The following LRP5 variants were observed in gnomAD, a reference collection of about 807,000 sequenced individuals.
LRP5 encodes LDL receptor related protein 5.
LRP5 carries 62 observed loss-of-function variants against 154.1 expected under a neutral mutation model. The observed-to-expected ratio is 0.40, with a 90% CI of 0.33 to 0.50. LRP5 has a LOEUF of 0.50. Among genes scored for constraint, LRP5 ranks in the 20% least tolerant of loss-of-function variants. The pLI is 0.55. For missense variants in LRP5, 1,915 were observed against 2,336.7 expected, an observed-to-expected ratio of 0.82 and a Z score of 3.72; for synonymous variants, 966 against 1,011.5, an observed-to-expected ratio of 0.96 and a Z score of 0.85.
intron 7 of LRP5, among the ~76,000 whole-genome samples, chr11:68,397,972 T>TGTGTGTGTGTGTGTGTGTG (rs2098650381): frequency 2.7e-4 from 38 of 142,192 alleles, no homozygotes; most frequent in Admixed American, 1.7e-3. Context: ...CTGTGTGTGT[T>TGTGTGTGTGTGTGTGTGTG]TGTGTGTGTG....
intron 8 of LRP5, chr11:68,404,412 C>T (rs547725055): frequency 8.3e-5 from 42 of 508,572 alleles, no homozygotes; most frequent in South Asian, 6.3e-4. Flanking sequence ...TGCCTGCAGT[C>T]CTGGGTGAGA....
chr11:68,446,380 G>A (rs2098681406), intron 21 of LRP5, 56 bp from the exon 22 acceptor site: 1 of 1,208,444 alleles, frequency 8.3e-7, no homozygotes, highest in Non-Finnish European at 1.2e-6. Context: ...GTGGGAGGAA[G>A]GAAGGAATGC....
intron 16 of LRP5, among the ~76,000 whole-genome samples, chr11:68,426,723 C>T (rs1358515345): frequency 6.6e-6 from 1 of 152,192 alleles, no homozygotes; most frequent in Non-Finnish European, 1.5e-5. Context: ...GGCCTGACAA[C>T]ACCCACGGAT....
At chr11:68,422,650 GGAGACGGAGAGTCCTTGAGAGTCACTGA>G (rs1290934148) in intron 13 of LRP5, among the ~76,000 whole-genome samples, 1 of 152,144 alleles carries the variant, frequency 6.6e-6, no homozygotes, top group African/African-American at 2.4e-5. Context: ...CAGAGAGTGT[GGAGACGGAGAGTCCTTGAGAGTCACTGA>G]GAGACGTGGC....
chr11:68,394,593 G>A (rs1223510108), intron 7 of LRP5, among the ~76,000 whole-genome samples: 7 of 152,024 alleles, frequency 4.6e-5, no homozygotes, highest in African/African-American at 1.2e-4. Context: ...AGCCTCCCGC[G>A]TAGCTGGGAC....
rs566136560 is a variant in LRP5 at position 68,389,284 on chromosome 11, A to G, written c.1413-597A>G. Among the ~76,000 whole-genome samples, 3 of 152,276 alleles carry G rather than the reference A, an allele frequency of 2.0e-5. No individual in the cohort carries two copies. In the East Asian group the frequency reaches 5.8e-4, roughly 29 times the overall value. On this transcript the variant is annotated intron_variant, in intron 6 of 22. Transcript: ENST00000294304. Reference sequence around the variant, plus strand: ...TTTACCAACACTGACATTTACCAACACTGACATTTACCGACATTGACATTT... The same window carrying G: ...TTTACCAACACTGACATTTACCAACGCTGACATTTACCGACATTGACATTT...
At chr11:68,441,101 CAG>C (rs1030319282) in intron 21 of LRP5, among the ~76,000 whole-genome samples, 1 of 149,892 alleles carries the variant, frequency 6.7e-6, no homozygotes, top group Non-Finnish European at 1.5e-5. Flanking sequence ...TTTTCTGAGA[CAG>C]GGTCTCGCTC....
At position 68,411,698 on chromosome 11, in the gene LRP5, A is replaced by G. The variant is rs689179; in HGVS notation, c.2503+78A>G. ...TGGCCACCTCCCAGCCTCGCCGCACATACCCTGTGGCCTGCAAGTTCCCCA... is the reference window on the plus strand; with the variant it reads ...TGGCCACCTCCCAGCCTCGCCGCACGTACCCTGTGGCCTGCAAGTTCCCCA... On this transcript the variant is annotated intron_variant, in intron 11 of 22. Transcript: ENST00000294304. 0.75 allele frequency: 1,075,121 copies of G among 1,442,914 alleles called. 404,107 individuals carry two copies. The highest frequency in any genetic ancestry group is 0.84 in the South Asian group (63,597 of 76,004). The allele number at this position is 1,442,914 out of a possible 1,614,324, so 89.4% of individuals were successfully genotyped here.
chr11:68,397,372 T>C (rs544582595), intron 7 of LRP5, among the ~76,000 whole-genome samples: 17 of 152,232 alleles, frequency 1.1e-4, no homozygotes, highest in Admixed American at 9.1e-4. Context: ...CCAGTGCCAC[T>C]CTTCCCACCC....
At chr11:68,440,064 T>C in intron 21 of LRP5, 148 bp downstream of exon 21, 1 of 662,336 alleles carries the variant, frequency 1.5e-6, no homozygotes. Context: ...TTCAAACCCT[T>C]CTGCTTCCTT....
rs1457967571 is a variant in LRP5, at chr11:68,389,976, G to T, written c.1508G>T (p.Gly503Val). ...ERRVLVNASL[G>V]WPNGLALDLQ... ...CGTGTGCTGGTCAATGCCTCCCTCG[G>T]GTGGCCCAACGGCCTGGCCCTGGAC... The change falls in exon 7 of 23, where the codon GGG becomes GTG. Residue 503 changes from glycine (G) to valine (V), a missense_variant. Around this residue, in one of 3 missense-constraint regions of LRP5, gnomAD observed 773 missense variants for 1,100.9 expected, o/e 0.70. Coordinates refer to ENST00000294304, the MANE Select transcript of LRP5 (RefSeq NM_002335.4). 4.3e-6 allele frequency: 7 copies of T among 1,614,138 alleles called. No individual in the cohort carries two copies. Among genetic ancestry groups the T allele is most frequent in the Non-Finnish European group, 5.9e-6 (7 of 1,180,020 alleles).
chr11:68,334,985 G>A (rs931768812), intron 1 of LRP5, among the ~76,000 whole-genome samples: 1 of 151,848 alleles, frequency 6.6e-6, no homozygotes, highest in Non-Finnish European at 1.5e-5. Flanking sequence ...ATTGAATACT[G>A]AACCATTGCT....
intron 1 of LRP5, among the ~76,000 whole-genome samples, chr11:68,336,757 C>A (rs893713580): frequency 6.6e-6 from 1 of 152,206 alleles, no homozygotes; most frequent in Non-Finnish European, 1.5e-5. Flanking sequence ...TCGTGAGCCA[C>A]CGTGCCCGGC....
chr11:68,411,501 A>G lies in LRP5; in HGVS notation c.2384A>G (p.Asn795Ser), dbSNP rs368485424. 6.2e-7 allele frequency: 1 copy of G among 1,613,676 alleles called. No homozygotes were observed. The highest frequency in any genetic ancestry group is 8.5e-7 in the Non-Finnish European group (1 of 1,180,004). Residue 795 changes from asparagine (N) to serine (S), a missense_variant, in exon 11 of 23, where the codon AAC becomes AGC. By Grantham distance (46) the Asn-to-Ser change is conservative. Around this residue, in one of 3 missense-constraint regions of LRP5, gnomAD observed 773 missense variants for 1,100.9 expected, o/e 0.70. Coordinates refer to ENST00000294304, the MANE Select transcript of LRP5 (RefSeq NM_002335.4). ...RIVRAFMDGTNCMTLVDKVGR... is the reference protein window; with the variant it reads ...RIVRAFMDGTSCMTLVDKVGR... ...GTGCGGGCCTTCATGGACGGGACCA[A>G]CTGCATGACGCTGGTGGACAAGGTG...
At chr11:68,311,663 C>T (rs1311182214), upstream of LRP5, among the ~76,000 whole-genome samples, 3 of 152,264 alleles carry the variant, frequency 2.0e-5, no homozygotes, top group Admixed American at 6.5e-5. Context: ...TGGAGGAACA[C>T]ACACGTTCAC....
intron 1 of LRP5, among the ~76,000 whole-genome samples, chr11:68,342,082 T>TC (rs1264914068): frequency 3.9e-5 from 6 of 151,904 alleles, no homozygotes; most frequent in Non-Finnish European, 7.4e-5. Context: ...TTTTTTTTTT[T>TC]TTTTAAGCTT....
intron 21 of LRP5, among the ~76,000 whole-genome samples, chr11:68,444,052 A>G (rs377223750): frequency 6.6e-6 from 1 of 152,156 alleles, no homozygotes; most frequent in Admixed American, 6.5e-5. Flanking sequence ...CAAGGTGGGC[A>G]TCCAGCTTGT....
intron 1 of LRP5, among the ~76,000 whole-genome samples, chr11:68,334,414 G>A (rs1447913058): frequency 6.6e-6 from 1 of 152,142 alleles, no homozygotes; most frequent in East Asian, 1.9e-4. Context: ...AATTGATTGA[G>A]CAAATAAGTA....
At chr11:68,402,174 G>A (rs932683768) in intron 7 of LRP5, among the ~76,000 whole-genome samples, 1 of 152,188 alleles carries the variant, frequency 6.6e-6, no homozygotes, top group African/African-American at 2.4e-5. Context: ...TAATGGCCTT[G>A]TGTCTCTTTC....
Sources: gnomAD v4.1 joint callset for allele counts (sites outside exome capture counted in the v4.1 genomes callset) on GRCh38, gnomAD v4.1.1 for gene constraint, gnomAD v4.1.1 regional missense constraint, MANE v1.5 for transcripts, NCBI Gene and HGNC (gene_info 2026-07-23, HGNC 2026-07-21) for gene names.